Variants in TCP10L observed in about 807,000 individuals in gnomAD.
TCP10L encodes T-complex protein 10A homolog 1.
In TCP10L, 11 loss-of-function variants were observed where a neutral mutation model predicts 19.2. The ratio of observed to expected loss-of-function variants is 0.57; its 90% confidence interval spans 0.36 to 0.95. TCP10L has a LOEUF of 0.95. TCP10L is among the 40% of genes least tolerant of loss of function. The pLI is 0.01. For missense variants in TCP10L, 247 were observed against 263.9 expected, an observed-to-expected ratio of 0.94 and a Z score of 0.44; for synonymous variants, 96 against 97.2, an observed-to-expected ratio of 0.99 and a Z score of 0.07.
At position 32,573,841 on chromosome 21, in the gene TCP10L, G is replaced by T. The variant is rs2038402306; in HGVS notation, c.*2933C>A. On this transcript the variant is annotated 3_prime_UTR_variant, in exon 5 of 5. Transcript: ENST00000300258. ...ACACCTGATACAAATAACACACAGA[G>T]ACATACAAATAACATACAAATAACA... 6.6e-6 allele frequency among the ~76,000 whole-genome samples: 1 copy of T among 152,116 alleles called. No individual in the cohort carries two copies. Among genetic ancestry groups the T allele is most frequent in the South Asian group, 2.1e-4 (1 of 4,808 alleles).
rs1438405085 is a variant in TCP10L at position 32,582,931 on chromosome 21, AG to A, written c.145-517del. On this transcript the variant is annotated intron_variant, in intron 2 of 4. Transcript: ENST00000300258. The surrounding 1 kb of genome is among the most constrained non-coding windows in gnomAD (Gnocchi z 4.2). ...TATTAAGTAGTGTTTATTATGAGTT[AG>A]TCCACATAATATAACCAGATAAAGA... 6.6e-6 allele frequency among the ~76,000 whole-genome samples: 1 copy of A among 151,278 alleles called. No individual in the cohort carries two copies. The highest frequency in any genetic ancestry group is 1.5e-5 in the Non-Finnish European group (1 of 67,870).
chr21:32,584,204 G>A lies in TCP10L; in HGVS notation c.101C>T (p.Ala34Val). ...GCAGTCCTCCGTGAGAACCTCGGCT[G>A]CCACAGCTGTCTTCTCCATGACAGC... ...AGAVMEKTAV[A>V]AEVLTEDCNT... The change falls in exon 2 of 5, where the codon GCA becomes GTA. Residue 34 changes from alanine to valine, a missense_variant. Coordinates refer to ENST00000300258, the MANE Select transcript of TCP10L (RefSeq NM_144659.7). The A allele has an allele frequency of 6.2e-7, 1 of 1,614,056 alleles. No homozygotes were observed. The highest frequency in any genetic ancestry group is 8.5e-7 in the Non-Finnish European group (1 of 1,179,970).
In TCP10L at chr21:32,582,170, G is replaced by A. The variant is rs991237027; in HGVS notation, c.360+30C>T. ...GACGCTATTTTTACATAACGCAAAC[G>A]GTACAAAAACATAAATGCGCTTTTG... On this transcript the variant is annotated intron_variant, in intron 3 of 4. Transcript: ENST00000300258. The surrounding 1 kb of genome is among the most constrained non-coding windows in gnomAD (Gnocchi z 4.2). 7.5e-6 allele frequency: 12 copies of A among 1,607,644 alleles called. No individual in the cohort carries two copies. Among genetic ancestry groups the A allele is most frequent in the African/African-American group, 4.0e-5 (3 of 74,534 alleles).
chr21:32,575,981 C>CA lies in TCP10L; in HGVS notation c.*792_*793insT. 1 of 269,292 alleles carries CA rather than the reference C, an allele frequency of 3.7e-6. No homozygotes were observed. The allele number at this position is 269,292 out of a possible 1,614,324, so 16.7% of individuals were successfully genotyped here. ...CGCTAGGATTCGGAATCTCCAGTCA[C>CA]GGCCCCTGGAGACCGGCATGTGGGC... is the stretch of plus-strand genomic sequence containing the variant. On this transcript the variant is annotated 3_prime_UTR_variant, in exon 5 of 5. Transcript: ENST00000300258.
At chr21:32,584,417 T>TC (rs772092769) in intron 1 of TCP10L, 112 bp from the exon 2 acceptor site, 38 of 1,419,148 alleles carry the variant, frequency 2.7e-5, no homozygotes, top group Middle Eastern at 2.2e-4. Flanking sequence ...CCGCAGCCGC[T>TC]CCTTCTCCCC....
chr21:32,576,811 C>T lies in TCP10L; in HGVS notation c.611G>A (p.Arg204Lys), dbSNP rs1438102966. ...RQDRRATPTG[R>K]PTPCAERRGG... ...CCGTCTCTCTGCACAGGGAGTTGGC[C>T]TTCCAGTAGGTGTTGCTCTTCTGTC... Residue 204 changes from arginine (R) to lysine (K), a missense_variant, in exon 5 of 5, where the codon AGG becomes AAG. Transcript: ENST00000300258. The T allele has an allele frequency of 1.9e-6, 3 of 1,614,082 alleles. No homozygotes were observed. Among genetic ancestry groups the T allele is most frequent in the South Asian group, 1.1e-5 (1 of 91,024 alleles).
intron 2 of TCP10L, among the ~76,000 whole-genome samples, chr21:32,583,328 G>T (rs8129189): frequency 6.6e-6 from 1 of 151,914 alleles, no homozygotes; most frequent in African/African-American, 2.4e-5. Context: ...GGTGGCTCAC[G>T]CCTGTAATCC....
intron 1 of TCP10L, among the ~76,000 whole-genome samples, chr21:32,584,739 A>G (rs1277665577): frequency 6.6e-6 from 1 of 151,956 alleles, no homozygotes. Context: ...TCAGGGTGTG[A>G]GCAGGTGTGA....
rs1326032031 is a variant in TCP10L at position 32,576,275 on chromosome 21, A to T, written c.*499T>A. Reference sequence around the variant, plus strand: ...GCGGCCTGGGAAGCCTGCACTGGTGATTTTCTGCCACTCAAGTTTTGCAGA... The same window carrying T: ...GCGGCCTGGGAAGCCTGCACTGGTGTTTTTCTGCCACTCAAGTTTTGCAGA... On this transcript the variant is annotated 3_prime_UTR_variant, in exon 5 of 5. Coordinates refer to ENST00000300258, the MANE Select transcript of TCP10L (RefSeq NM_144659.7). The T allele has an allele frequency of 6.3e-7, 1 of 1,575,944 alleles. No individual in the cohort carries two copies. Among genetic ancestry groups the T allele is most frequent in the African/African-American group, 1.3e-5 (1 of 74,160 alleles).
intron 4 of TCP10L, 130 bp from the exon 5 acceptor site, chr21:32,577,053 G>A: frequency 1.1e-6 from 1 of 951,390 alleles, no homozygotes; most frequent in Non-Finnish European, 1.5e-6. Flanking sequence ...AAGGACACAT[G>A]AGGTATCCAC....
intron 1 of TCP10L, among the ~76,000 whole-genome samples, 153 bp downstream of exon 1, chr21:32,585,268 G>A (rs1448288732): frequency 6.6e-6 from 1 of 152,170 alleles, no homozygotes; most frequent in East Asian, 1.9e-4. Context: ...TGCGGAAGTG[G>A]GCTGGGGTCA....
rs1429757769 is a variant in TCP10L, at chr21:32,575,445, C to G, written c.*1329G>C. ...GGGCAGGAAGCCCGGGGGGCAGACT[C>G]AGGAGGAAGACAGTGTCAGATTCGG... On this transcript the variant is annotated 3_prime_UTR_variant, in exon 5 of 5. Coordinates refer to ENST00000300258, the MANE Select transcript of TCP10L (RefSeq NM_144659.7). The G allele has an allele frequency of 6.5e-6, 1 of 154,802 alleles. No homozygotes were observed. Among genetic ancestry groups the G allele is most frequent in the African/African-American group, 2.4e-5 (1 of 41,470 alleles). The allele number at this position is 154,802 out of a possible 1,614,324, so 9.6% of individuals were successfully genotyped here.
In TCP10L at chr21:32,578,636, G is replaced by A; in HGVS notation, c.498+58C>T. The stretch of plus-strand genomic sequence containing the variant: ...GTGTGGTGAGGAGCTGATGGGATGT[G>A]TGTGTTTGGGTACAGAACCTCTGCT... On this transcript the variant is annotated intron_variant, in intron 4 of 4. Coordinates refer to ENST00000300258, the MANE Select transcript of TCP10L (RefSeq NM_144659.7). This position sits in a 1 kb window ranked among gnomAD's most constrained non-coding sequence, Gnocchi z 4.2. The A allele has an allele frequency of 6.3e-7, 1 of 1,576,162 alleles. No individual in the cohort carries two copies. The highest frequency in any genetic ancestry group is 8.6e-7 in the Non-Finnish European group (1 of 1,162,158).
rs1011292888 is a variant in TCP10L at position 32,576,145 on chromosome 21, G to A, written c.*629C>T. ...TGCCATAGTAAGATGTTCTGCTCAC[G>A]CGTATCCACGAGAAAGCCCCGCATT... is the stretch of plus-strand genomic sequence containing the variant. On this transcript the variant is annotated 3_prime_UTR_variant, in exon 5 of 5. Coordinates refer to ENST00000300258, the MANE Select transcript of TCP10L (RefSeq NM_144659.7). The A allele has an allele frequency of 9.7e-6, 9 of 930,100 alleles. No homozygotes were observed. Among genetic ancestry groups the A allele is most frequent in the Non-Finnish European group, 1.3e-5 (8 of 624,118 alleles). 57.6% of individuals were successfully genotyped at this position (930,100 alleles called of 1,614,324 possible). A position where few individuals can be genotyped will look rare whatever the true frequency, so the allele number is the denominator to read the frequency against.
chr21:32,582,277 CT>C lies in TCP10L; in HGVS notation c.282del (p.Ala95LeufsTer74). On this transcript the variant is annotated frameshift_variant, in exon 3 of 5. Transcript: ENST00000300258. LOFTEE classifies it high-confidence loss of function. This position sits in a 1 kb window ranked among gnomAD's most constrained non-coding sequence, Gnocchi z 4.2. ...GCTTTCCACCGCTGCAGCTGCAGAG[CT>C]CTCAGCTTTTCTCGGAGCTCCATGT... ...EQNMELREKL[R>X]ALQLQRWKAR... is the part of the protein sequence containing the mutation. 3.1e-6 allele frequency: 5 copies of C among 1,614,208 alleles called. No individual in the cohort carries two copies. The highest frequency in any genetic ancestry group is 4.2e-6 in the Non-Finnish European group (5 of 1,180,042).
In TCP10L at chr21:32,576,768, C is replaced by T. The variant is rs1368649331; in HGVS notation, c.*6G>A. On this transcript the variant is annotated 3_prime_UTR_variant, in exon 5 of 5. Transcript: ENST00000300258. ...GACACAGGTGTCCGAGGCCACCTTTCCATCTTCAGACACCCCCCCGTCTCT... is the reference window on the plus strand; with the variant it reads ...GACACAGGTGTCCGAGGCCACCTTTTCATCTTCAGACACCCCCCCGTCTCT... 6.2e-7 allele frequency: 1 copy of T among 1,611,908 alleles called. No individual in the cohort carries two copies. The highest frequency in any genetic ancestry group is 1.3e-5 in the African/African-American group (1 of 74,886).
At chr21:32,585,229 T>C (rs559678177) in intron 1 of TCP10L, among the ~76,000 whole-genome samples, 192 bp downstream of exon 1, 1 of 152,274 alleles carries the variant, frequency 6.6e-6, no homozygotes, top group African/African-American at 2.4e-5. Context: ...TCACTGCCAT[T>C]CCTTCCCCGC....
intron 3 of TCP10L, among the ~76,000 whole-genome samples, chr21:32,580,395 C>T (rs941775601): frequency 3.9e-4 from 59 of 152,102 alleles, no homozygotes; most frequent in African/African-American, 1.4e-3. Context: ...TGTGAGCCAC[C>T]GCGCCCAGCT....
intron 3 of TCP10L, among the ~76,000 whole-genome samples, chr21:32,581,112 G>A (rs1283816038): frequency 6.6e-6 from 1 of 152,216 alleles, no homozygotes; most frequent in Non-Finnish European, 1.5e-5. Flanking sequence ...GAGACCAAGC[G>A]GCTGGATGTC....
Sources: allele counts gnomAD v4.1 joint callset (sites outside exome capture counted in the v4.1 genomes callset), GRCh38; gene constraint gnomAD v4.1.1; non-coding constraint Gnocchi (gnomAD v3.1); transcripts MANE v1.5; gene names NCBI Gene and HGNC (gene_info 2026-07-23, HGNC 2026-07-21).